DPYD: variants seen among roughly 807,000 people sequenced by gnomAD.
DPYD encodes dihydropyrimidine dehydrogenase.
Under a neutral mutation model 116.2 loss-of-function variants are expected in DPYD, and 109 were observed. The observed-to-expected ratio is 0.94, with a 90% CI of 0.80 to 1.10. DPYD has a LOEUF of 1.10. Among genes scored for constraint, DPYD ranks in the 50% least tolerant of loss-of-function variants. The pLI is 0.00. For synonymous variants in DPYD, 440 were observed against 432.0 expected, an observed-to-expected ratio of 1.02 and a Z score of -0.23; for missense variants, 1,302 against 1,254.5, an observed-to-expected ratio of 1.04 and a Z score of -0.57.
chr1:97,747,690 G>T (rs1664636264), intron 3 of DPYD, among the ~76,000 whole-genome samples: 1 of 152,150 alleles, frequency 6.6e-6, no homozygotes, highest in Non-Finnish European at 1.5e-5. Flanking sequence ...AGACTTTCGT[G>T]TATACTAATA....
intron 2 of DPYD, among the ~76,000 whole-genome samples, chr1:97,838,749 G>T (rs1017152068): frequency 6.6e-6 from 1 of 152,174 alleles, no homozygotes; most frequent in South Asian, 2.1e-4. Context: ...GGAGGCTGAG[G>T]CAGGAGAATG....
chr1:97,700,309 C>A, intron 5 of DPYD: 1 of 455,404 alleles, frequency 2.2e-6, no homozygotes, highest in Non-Finnish European at 4.4e-6. Flanking sequence ...TAACCTAGAG[C>A]AAAATAAAGT....
At chr1:97,514,091 A>G (rs1260941608) in intron 13 of DPYD, 21 of 639,002 alleles carry the variant, frequency 3.3e-5, no homozygotes, top group Admixed American at 6.3e-5. Context: ...CCATTTGTTC[A>G]TAACTCCCCT....
In DPYD at chr1:97,748,266, T is replaced by C. The variant is rs1209649528; in HGVS notation, c.234-7787A>G. Among the ~76,000 whole-genome samples, 3 of 152,150 alleles carry C rather than the reference T, an allele frequency of 2.0e-5. No homozygotes were observed. In the East Asian group the frequency reaches 5.8e-4, roughly 29 times the overall value. On this transcript the variant is annotated intron_variant, in intron 3 of 22. Transcript: ENST00000370192. The stretch of plus-strand genomic sequence containing the variant: ...TAGGTTTTGACCATGTAGAGATTAG[T>C]ATAATAGATAGATAGAATGAAGATA...
At chr1:97,220,866 T>C (rs1440923908) in intron 19 of DPYD, among the ~76,000 whole-genome samples, 1 of 152,176 alleles carries the variant, frequency 6.6e-6, no homozygotes, top group Non-Finnish European at 1.5e-5. Context: ...CAATCACACA[T>C]GCATCTTCTG....
At chr1:97,647,723 TTC>T (rs1658351142) in intron 8 of DPYD, among the ~76,000 whole-genome samples, 1 of 152,054 alleles carries the variant, frequency 6.6e-6, no homozygotes, top group Non-Finnish European at 1.5e-5. Flanking sequence ...ATTGTATAAC[TTC>T]TGAGAAAACA....
At chr1:97,429,265 A>C (rs1675039694) in intron 14 of DPYD, among the ~76,000 whole-genome samples, 1 of 152,072 alleles carries the variant, frequency 6.6e-6, no homozygotes, top group South Asian at 2.1e-4. Flanking sequence ...GTAGGAGTAG[A>C]AATATTGGTA....
intron 14 of DPYD, among the ~76,000 whole-genome samples, chr1:97,431,466 A>G (rs1243396507): frequency 6.6e-6 from 1 of 152,106 alleles, no homozygotes; most frequent in Non-Finnish European, 1.5e-5. Context: ...ATAACATTCA[A>G]TTATATGAAT....
At chr1:97,867,030 A>G (rs1181735069) in intron 2 of DPYD, among the ~76,000 whole-genome samples, 1 of 151,838 alleles carries the variant, frequency 6.6e-6, no homozygotes, top group Non-Finnish European at 1.5e-5. Flanking sequence ...TTAGGTTTCA[A>G]AATAATAATA....
At chr1:97,107,720 G>T (rs922340733) in intron 20 of DPYD, among the ~76,000 whole-genome samples, 1 of 152,060 alleles carries the variant, frequency 6.6e-6, no homozygotes, top group Non-Finnish European at 1.5e-5. Flanking sequence ...TAAGTAACTT[G>T]CTACAATTAA....
intron 20 of DPYD, among the ~76,000 whole-genome samples, chr1:97,106,906 T>C (rs1651202099): frequency 6.6e-6 from 1 of 152,148 alleles, no homozygotes; most frequent in Non-Finnish European, 1.5e-5. Flanking sequence ...TGGCTGCATA[T>C]AGATATATGA....
chr1:97,580,780 C>T (rs563361220), intron 10 of DPYD, among the ~76,000 whole-genome samples: 25 of 152,262 alleles, frequency 1.6e-4, no homozygotes, highest in Non-Finnish European at 3.4e-4. Context: ...GTCTTACCCT[C>T]GCCTGTCTTC....
At chr1:97,899,801 T>G (rs1195886766) in intron 1 of DPYD, among the ~76,000 whole-genome samples, 1 of 151,942 alleles carries the variant, frequency 6.6e-6, no homozygotes, top group Non-Finnish European at 1.5e-5. Context: ...GGCTTTAAAG[T>G]AGAAAAAGTT....
At chr1:97,520,937 T>C (rs1570890526) in intron 12 of DPYD, among the ~76,000 whole-genome samples, 1 of 152,160 alleles carries the variant, frequency 6.6e-6, no homozygotes. Context: ...AATAAACATG[T>C]GTGTGCATAT....
chr1:97,596,938 C>G (rs1041485444), intron 8 of DPYD, among the ~76,000 whole-genome samples: 1 of 152,184 alleles, frequency 6.6e-6, no homozygotes, highest in Non-Finnish European at 1.5e-5. Context: ...TTTGCCTCAG[C>G]TTCTCTGTAA....
At chr1:97,636,819 GT>G (rs1167821655) in intron 8 of DPYD, among the ~76,000 whole-genome samples, 1 of 152,070 alleles carries the variant, frequency 6.6e-6, no homozygotes, top group Non-Finnish European at 1.5e-5. Flanking sequence ...GAAATGAGAA[GT>G]TCACTCAGTG....
At chr1:97,836,300 T>C (rs1669769861) in intron 2 of DPYD, among the ~76,000 whole-genome samples, 1 of 152,196 alleles carries the variant, frequency 6.6e-6, no homozygotes, top group Admixed American at 6.5e-5. Context: ...ATGTTAAATG[T>C]CTCATTTACT....
At chr1:97,529,000 T>G (rs539858327) in intron 12 of DPYD, among the ~76,000 whole-genome samples, 1 of 152,300 alleles carries the variant, frequency 6.6e-6, no homozygotes, top group African/African-American at 2.4e-5. Context: ...CTATCCAAAC[T>G]TACCTTATGC....
chr1:97,453,745 T>G (rs751203750), intron 13 of DPYD, among the ~76,000 whole-genome samples: 2 of 152,110 alleles, frequency 1.3e-5, no homozygotes, highest in Non-Finnish European at 2.9e-5. Context: ...TTCTTGTTAA[T>G]GTTGGAGCTG....
Sources: gnomAD v4.1 joint callset for allele counts (sites outside exome capture counted in the v4.1 genomes callset) on GRCh38, gnomAD v4.1.1 for gene constraint, MANE v1.5 for transcripts, NCBI Gene and HGNC (gene_info 2026-07-23, HGNC 2026-07-21) for gene names.